TTC23L: variants seen among roughly 807,000 people sequenced by gnomAD.
TTC23L encodes the protein tetratricopeptide repeat protein 23-like.
TTC23L carries 42 observed loss-of-function variants against 48.1 expected under a neutral mutation model. That is an observed-to-expected ratio of 0.87 (90% CI 0.68 to 1.13). The LOEUF is 1.13. Among genes scored for constraint, TTC23L ranks in the 50% most tolerant of loss-of-function variants. The pLI is 0.00. For synonymous variants in TTC23L, 159 were observed against 157.2 expected (o/e 1.01, Z -0.09); for missense variants, 391 against 421.0 (o/e 0.93, Z 0.62).
At chr5:34,842,878 C>T (rs769387398) in intron 2 of TTC23L, among the ~76,000 whole-genome samples, 5 of 152,116 alleles carry the variant, frequency 3.3e-5, no homozygotes, top group Admixed American at 6.6e-5. Flanking sequence ...CAGGCTGGAG[C>T]GCAGTGGTGT....
chr5:34,853,706 C>A (rs146683736), intron 4 of TTC23L, among the ~76,000 whole-genome samples: 40 of 152,262 alleles, frequency 2.6e-4, no homozygotes, highest in African/African-American at 9.2e-4. Flanking sequence ...GTGGTTTCAA[C>A]AGTTCAGATG....
chr5:34,923,234 G>A, the TTC23L span: 2 of 1,590,942 alleles, frequency 1.3e-6, no homozygotes, highest in African/African-American at 2.7e-5. Flanking sequence ...GGAACTTTCA[G>A]GTAAGCTTTA....
intron 8 of TTC23L, among the ~76,000 whole-genome samples, chr5:34,871,957 C>T (rs577678463): frequency 8.5e-5 from 13 of 152,190 alleles, no homozygotes; most frequent in African/African-American, 2.9e-4. Context: ...ATTGTCCTAA[C>T]TGTAAGAGCT....
intron 4 of TTC23L, 87 bp downstream of exon 4, chr5:34,850,395 A>G (rs1010826312): frequency 6.5e-7 from 1 of 1,545,700 alleles, no homozygotes; most frequent in African/African-American, 1.4e-5. Flanking sequence ...GGGCATGACT[A>G]GGAGGGCCCC....
At chr5:34,840,569 C>G in intron 1 of TTC23L, 96 bp from the exon 2 acceptor site, 7 of 978,098 alleles carry the variant, frequency 7.2e-6, no homozygotes, top group Non-Finnish European at 1.2e-5. Context: ...TATATTTGAG[C>G]AGTTTTAGTT....
At chr5:34,888,288 C>G (rs1008705378) in intron 9 of TTC23L, among the ~76,000 whole-genome samples, 2 of 152,146 alleles carry the variant, frequency 1.3e-5, no homozygotes, top group African/African-American at 2.4e-5. Flanking sequence ...TAGGTAGGGG[C>G]TACATCTTTG....
rs1254787165 is a variant in TTC23L, at chr5:34,863,814, G to A, written c.537-623G>A. 6.6e-6 allele frequency among the ~76,000 whole-genome samples: 1 copy of A among 152,166 alleles called. No individual in the cohort carries two copies. The highest frequency in any genetic ancestry group is 1.5e-5 in the Non-Finnish European group (1 of 68,030). On this transcript the variant is annotated intron_variant, in intron 5 of 10. Coordinates refer to ENST00000505624, the Ensembl canonical transcript of TTC23L. The surrounding 1 kb of genome is among the most constrained non-coding windows in gnomAD (Gnocchi z 4.1). Reference sequence around the variant, plus strand: ...ATTTGATGTTCACGCATCATCATGAGCACTCTTTGAGCCTATGTGTCCCCA... The same window carrying A: ...ATTTGATGTTCACGCATCATCATGAACACTCTTTGAGCCTATGTGTCCCCA...
intron 9 of TTC23L, among the ~76,000 whole-genome samples, chr5:34,888,975 A>G (rs1323296709): frequency 6.6e-6 from 1 of 152,192 alleles, no homozygotes; most frequent in East Asian, 1.9e-4. Flanking sequence ...GTTAATAATG[A>G]CAGAACCTCT....
At position 34,867,226 on chromosome 5, in the gene TTC23L, T is replaced by C. The variant is rs1561139065; in HGVS notation, c.840+157T>C. 5.1e-6 allele frequency: 4 copies of C among 783,430 alleles called. No homozygotes were observed. The East Asian group carries it at 1.1e-4, about 21-fold the overall frequency. 48.5% of individuals were successfully genotyped at this position (783,430 alleles called of 1,614,324 possible). On this transcript the variant is annotated intron_variant, in intron 7 of 10. Coordinates refer to ENST00000505624, the Ensembl canonical transcript of TTC23L. ...TCCAGATCCACCTAAGAGCCCTTGA[T>C]CAAACCTTAAATGACCAGGCCAGAG...
intron 9 of TTC23L, among the ~76,000 whole-genome samples, chr5:34,894,546 TTC>T (rs954599159): frequency 6.6e-6 from 1 of 152,212 alleles, no homozygotes; most frequent in Non-Finnish European, 1.5e-5. Context: ...TGTTATGTAT[TTC>T]TGTGTCATTT....
At chr5:34,856,654 T>A (rs1760155947) in intron 4 of TTC23L, among the ~76,000 whole-genome samples, 1 of 152,124 alleles carries the variant, frequency 6.6e-6, no homozygotes, top group Admixed American at 6.5e-5. Flanking sequence ...CAGAAAGATT[T>A]GGAAAATGGA....
At chr5:34,853,781 A>G (rs1451847687) in intron 4 of TTC23L, among the ~76,000 whole-genome samples, 1 of 152,198 alleles carries the variant, frequency 6.6e-6, no homozygotes, top group Non-Finnish European at 1.5e-5. Flanking sequence ...TTGGTAGGTC[A>G]TTGCAACTTG....
At chr5:34,855,733 T>G (rs765365938) in intron 4 of TTC23L, among the ~76,000 whole-genome samples, 1 of 152,196 alleles carries the variant, frequency 6.6e-6, no homozygotes, top group Non-Finnish European at 1.5e-5. Context: ...GAAAGATCTC[T>G]TTAGGGAAAA....
At chr5:34,891,384 AGTT>A (rs958599738) in intron 9 of TTC23L, among the ~76,000 whole-genome samples, 4 of 152,144 alleles carry the variant, frequency 2.6e-5, no homozygotes, top group South Asian at 2.1e-4. Flanking sequence ...AACCACAGAG[AGTT>A]GTTGTGAGTT....
the TTC23L span, chr5:34,922,620 G>C: frequency 6.3e-7 from 1 of 1,592,234 alleles, no homozygotes; most frequent in South Asian, 1.1e-5. Context: ...TTTTAGATGA[G>C]GAAATTAAAA....
chr5:34,901,190 GCA>G (rs925782500), downstream of TTC23L, among the ~76,000 whole-genome samples: 9 of 151,404 alleles, frequency 5.9e-5, no homozygotes, highest in African/African-American at 2.2e-4. Flanking sequence ...TCTAGGCAAC[GCA>G]GTTTGTGTTT....
At chr5:34,914,343 G>T in the TTC23L span, 1 of 295,594 alleles carries the variant, frequency 3.4e-6, no homozygotes. Context: ...TATATAAAAC[G>T]GGAATAATAA....
the TTC23L span, chr5:34,922,706 G>T: frequency 6.2e-7 from 1 of 1,613,626 alleles, no homozygotes; most frequent in Non-Finnish European, 8.5e-7. Flanking sequence ...TCATACCCTC[G>T]CTGAACTGAA....
chr5:34,855,166 CATT>C, intron 4 of TTC23L, among the ~76,000 whole-genome samples: 1 of 38,662 alleles, frequency 2.6e-5, no homozygotes, highest in Non-Finnish European at 4.9e-5. Flanking sequence ...GAGAAGGGTA[CATT>C]GGGCAGGCTA....
Sources: allele counts gnomAD v4.1 joint callset (sites outside exome capture counted in the v4.1 genomes callset), GRCh38; gene constraint gnomAD v4.1.1; non-coding constraint Gnocchi (gnomAD v3.1); transcripts MANE v1.5; gene names NCBI Gene and HGNC (gene_info 2026-07-23, HGNC 2026-07-21).